The following SENP7 variants were observed in gnomAD, a reference collection of about 807,000 sequenced individuals.
The protein encoded by SENP7 is SUMO specific peptidase 7.
SENP7 carries 64 observed loss-of-function variants against 141.2 expected under a neutral mutation model. The ratio of observed to expected loss-of-function variants is 0.45; its 90% CI spans 0.37 to 0.56. The LOEUF (loss-of-function observed/expected upper bound fraction) is 0.56, where lower values mean the gene tolerates loss of function less well. Among genes scored for constraint, SENP7 ranks in the 20% least tolerant of loss-of-function variants. SENP7 has a pLI of 0.00. For synonymous variants in SENP7, 382 were observed against 426.4 expected (o/e 0.90, Z 1.28); for missense variants, 1,025 against 1,212.2 (o/e 0.85, Z 2.29).
rs1333686216 is a variant in SENP7, at chr3:101,328,404, TAATTCTGAAGGTAACTTCAA to T, written c.2864+54_2864+73del. ...ATAATTCCTGATATAGTCTTTTCAA[TAATTCTGAAGGTAACTTCAA>T]AATTACTGAGGTTTTAGATAACAGA... On this transcript the variant is annotated intron_variant, in intron 22 of 23. Transcript: ENST00000394095. 5.0e-6 allele frequency: 5 copies of T among 1,007,324 alleles called. No homozygotes were observed. The East Asian group carries it at 7.1e-5, about 14-fold the overall frequency. 62.4% of individuals were successfully genotyped at this position (1,007,324 alleles called of 1,614,324 possible). A position where few individuals can be genotyped will look rare whatever the true frequency, so the allele number is the denominator to read the frequency against.
chr3:101,380,434 C>CG (rs2060463599), intron 6 of SENP7, among the ~76,000 whole-genome samples: 2 of 22,862 alleles, frequency 8.7e-5, no homozygotes, highest in Admixed American at 1.1e-3. Context: ...AGCAAACCAC[C>CG]GCCCCCCCCC....
intron 5 of SENP7, among the ~76,000 whole-genome samples, chr3:101,410,500 T>C (rs879539875): frequency 1.3e-5 from 2 of 152,110 alleles, no homozygotes; most frequent in Admixed American, 1.3e-4. Flanking sequence ...AATTCACAAC[T>C]GCAAAAATGT....
Position 101,376,231 on chromosome 3 carries a change from C to T in SENP7, c.678-4105G>A, listed in dbSNP as rs79591117. Among the ~76,000 whole-genome samples, 1,184 of 152,096 alleles carry T rather than the reference C, an allele frequency of 7.8e-3. 19 individuals carry two copies. The highest frequency in any genetic ancestry group is 0.027 in the African/African-American group (1,136 of 41,480). On this transcript the variant is annotated intron_variant, in intron 6 of 23. Coordinates refer to ENST00000394095, the MANE Select transcript of SENP7 (RefSeq NM_020654.5). ...ATAGGGAGTTAGAGTTTAATAGATA[C>T]AGAGTTTCAGTTTGGGAAGATGGAA... is the stretch of plus-strand genomic sequence containing the variant.
In SENP7 at chr3:101,369,529, T is replaced by C. The variant is rs541967825; in HGVS notation, c.797-1518A>G. ...AAAACACCTTACTCCCTAAGGAAAA[T>C]AAAACTCCCCCCAAATCATCAACAC... On this transcript the variant is annotated intron_variant, in intron 7 of 23. Coordinates refer to ENST00000394095, the MANE Select transcript of SENP7 (RefSeq NM_020654.5). Among the ~76,000 whole-genome samples the C allele has an allele frequency of 9.7e-4, 148 of 152,186 alleles. 2 individuals are homozygous for C. The highest frequency in any genetic ancestry group is 3.1e-3 in the African/African-American group (130 of 41,538).
At chr3:101,341,088 T>C (rs1015981989) in intron 15 of SENP7, among the ~76,000 whole-genome samples, 1 of 152,230 alleles carries the variant, frequency 6.6e-6, no homozygotes, top group African/African-American at 2.4e-5. Context: ...GTTTCTACCT[T>C]ATTGGCTATT....
intron 4 of SENP7, among the ~76,000 whole-genome samples, chr3:101,444,340 C>T (rs1006998087): frequency 1.3e-5 from 2 of 151,770 alleles, no homozygotes; most frequent in Non-Finnish European, 2.9e-5. Context: ...GTGGCGATTT[C>T]TCAGGGATCT....
intron 4 of SENP7, among the ~76,000 whole-genome samples, chr3:101,442,175 C>A (rs566594461): frequency 2.0e-5 from 3 of 152,264 alleles, no homozygotes; most frequent in South Asian, 2.1e-4. Flanking sequence ...CAATAATTCT[C>A]CAGTAACGTA....
chr3:101,366,453 T>G lies in SENP7; in HGVS notation c.1295A>C (p.Gln432Pro). 6.2e-7 allele frequency: 1 copy of G among 1,607,592 alleles called. No homozygotes were observed. The highest frequency in any genetic ancestry group is 8.5e-7 in the Non-Finnish European group (1 of 1,176,370). ...ACTTGGTTCAGCTGAGATCAGTGAT[T>G]GGTTCCCTTCATTATGTCCTCTTAG... ...PILRGHNEGN[Q>P]SLISAEPIVV... Residue 432 changes from glutamine to proline, a missense_variant, in exon 9 of 24, where the codon CAA (glutamine) becomes CCA (proline). Physicochemically the swap from Gln to Pro is moderately conservative, Grantham distance 76 (BLOSUM62 -1). Transcript: ENST00000394095.
Position 101,366,483 on chromosome 3 carries a change from G to C in SENP7, c.1265C>G (p.Pro422Arg). 1 of 1,613,398 alleles carries C rather than the reference G, an allele frequency of 6.2e-7. No individual in the cohort carries two copies. Among genetic ancestry groups the C allele is most frequent in the South Asian group, 1.1e-5 (1 of 90,956 alleles). The change falls in exon 9 of 24, where the codon CCT becomes CGT. Residue 422 changes from proline (P) to arginine (R), a missense_variant. By Grantham distance (103) the Pro-to-Arg change is moderately radical. Transcript: ENST00000394095. ...DENELNTIEK[P>R]ILRGHNEGNQ... ...CCCTTCATTATGTCCTCTTAGAATA[G>C]GCTTTTCTATGGTATTCAACTCATT...
chr3:101,420,919 C>T (rs942236018), intron 4 of SENP7, among the ~76,000 whole-genome samples: 4 of 151,996 alleles, frequency 2.6e-5, no homozygotes, highest in African/African-American at 7.3e-5. Flanking sequence ...GGTATAATAA[C>T]CAAATACAAT....
In SENP7 at chr3:101,340,180, C is replaced by G; in HGVS notation, c.2272G>C (p.Gly758Arg). The G allele has an allele frequency of 1.9e-6, 3 of 1,600,406 alleles. No individual in the cohort carries two copies. Among genetic ancestry groups the G allele is most frequent in the Non-Finnish European group, 2.6e-6 (3 of 1,175,172 alleles). ...LIVYPPPPTK[G>R]GLGVTNEDLE... The stretch of plus-strand genomic sequence containing the variant: ...TCTTCATTAGTTACTCCTAATCCCC[C>G]CTTAGTAGGTGGTGGAGGATATACA... Residue 758 changes from glycine (G) to arginine (R), a missense_variant, in exon 16 of 24, where the codon GGG becomes CGG. Around this residue, in one of 4 missense-constraint regions of SENP7, gnomAD observed 295 missense variants for 459.1 expected, o/e 0.64. Transcript: ENST00000394095.
chr3:101,448,917 C>T (rs1181537060), intron 4 of SENP7, among the ~76,000 whole-genome samples: 1 of 152,012 alleles, frequency 6.6e-6, no homozygotes, highest in Non-Finnish European at 1.5e-5. Flanking sequence ...TTCAGAAGAT[C>T]AAACTACTCC....
At position 101,493,868 on chromosome 3, in the gene SENP7, A is replaced by G. The variant is rs781310547; in HGVS notation, c.186+5T>C. On this transcript the variant is annotated splice_donor_5th_base_variant and intron_variant, in intron 3 of 23. Coordinates refer to ENST00000394095, the MANE Select transcript of SENP7 (RefSeq NM_020654.5). Reference sequence around the variant, plus strand: ...TACTTAAAATAAATTAATTTTATTTACCACCTGCAAAGGGAGAGTCCAGCG... The same window carrying G: ...TACTTAAAATAAATTAATTTTATTTGCCACCTGCAAAGGGAGAGTCCAGCG... 5.9e-6 allele frequency: 9 copies of G among 1,528,444 alleles called. No individual in the cohort carries two copies. The South Asian group carries it at 9.5e-5, about 16-fold the overall frequency. 94.7% of individuals were successfully genotyped at this position (1,528,444 alleles called of 1,614,324 possible). A position where few individuals can be genotyped will look rare whatever the true frequency, so the allele number is the denominator to read the frequency against.
chr3:101,325,895 C>A lies in SENP7; in HGVS notation c.*48G>T. 6.6e-7 allele frequency: 1 copy of A among 1,513,514 alleles called. No homozygotes were observed. The highest frequency in any genetic ancestry group is 8.8e-7 in the Non-Finnish European group (1 of 1,130,508). 93.8% of individuals were successfully genotyped at this position (1,513,514 alleles called of 1,614,324 possible). ...GGCTAACACAAATGCTGGTAAGAGG[C>A]TTTCCAGTAATCTTAGAGAACATCT... is the stretch of plus-strand genomic sequence containing the variant. On this transcript the variant is annotated 3_prime_UTR_variant, in exon 24 of 24. Coordinates refer to ENST00000394095, the MANE Select transcript of SENP7 (RefSeq NM_020654.5).
chr3:101,432,801 A>G (rs1447980764), intron 4 of SENP7, among the ~76,000 whole-genome samples: 1 of 152,196 alleles, frequency 6.6e-6, no homozygotes, highest in Non-Finnish European at 1.5e-5. Context: ...CCCAAAAAGG[A>G]TGGCTACAAG....
chr3:101,382,157 A>C (rs924508661), intron 6 of SENP7, among the ~76,000 whole-genome samples: 2 of 152,106 alleles, frequency 1.3e-5, no homozygotes, highest in Admixed American at 1.3e-4. Context: ...TGTAAAACAT[A>C]ATTTTATGAA....
At chr3:101,373,672 G>A (rs1042784635) in intron 6 of SENP7, among the ~76,000 whole-genome samples, 2 of 152,110 alleles carry the variant, frequency 1.3e-5, no homozygotes, top group Non-Finnish European at 2.9e-5. Context: ...TAAGTAGTTG[G>A]CATGAAACCA....
rs377579284 is a variant in SENP7, at chr3:101,510,843, C to CAAAA, written c.40+2244_40+2247dup. Among the ~76,000 whole-genome samples the CAAAA allele has an allele frequency of 1.5e-4, 12 of 78,346 alleles. 1 individual carries two copies. Among genetic ancestry groups the CAAAA allele is most frequent in the Admixed American group, 3.5e-4 (2 of 5,640 alleles). 51.4% of individuals were successfully genotyped at this position (78,346 alleles called of 152,430 possible). On this transcript the variant is annotated intron_variant, in intron 1 of 23. Transcript: ENST00000394095. ...TGGGCAACAGAGCGAGACTCCATCT[C>CAAAA]AAAAAAAAAAAAAAAAAAAAGTCAC...
At chr3:101,456,203 C>G (rs2063346980) in intron 4 of SENP7, among the ~76,000 whole-genome samples, 1 of 151,952 alleles carries the variant, frequency 6.6e-6, no homozygotes, top group South Asian at 2.1e-4. Flanking sequence ...TGAAATGATA[C>G]AAAGCCCTCT....
Sources: gnomAD v4.1 joint callset for allele counts (sites outside exome capture counted in the v4.1 genomes callset) on GRCh38, gnomAD v4.1.1 for gene constraint, gnomAD v4.1.1 regional missense constraint, MANE v1.5 for transcripts, NCBI Gene and HGNC (gene_info 2026-07-23, HGNC 2026-07-21) for gene names.